Variants in DYM observed in about 807,000 individuals in gnomAD.
DYM encodes dymeclin.
DYM carries 78 observed loss-of-function variants against 93.1 expected under a neutral mutation model. That is an observed-to-expected ratio of 0.84 (90% CI 0.70 to 1.01). DYM has a LOEUF of 1.01. DYM is among the 50% of genes least tolerant of loss of function. DYM has a pLI of 0.00. For missense variants in DYM, 789 were observed against 845.0 expected, an observed-to-expected ratio of 0.93 and a Z score of 0.82; for synonymous variants, 321 against 319.7, an observed-to-expected ratio of 1.00 and a Z score of -0.04.
At chr18:49,066,879 T>C (rs1455996057) in intron 17 of DYM, among the ~76,000 whole-genome samples, 1 of 152,194 alleles carries the variant, frequency 6.6e-6, no homozygotes, top group East Asian at 1.9e-4. Flanking sequence ...TGGCCACTCA[T>C]ACCTCTTCAT....
At chr18:49,389,863 T>G (rs577692922) in intron 3 of DYM, among the ~76,000 whole-genome samples, 1 of 152,306 alleles carries the variant, frequency 6.6e-6, no homozygotes, top group Non-Finnish European at 1.5e-5. Context: ...TTTTCTTTGT[T>G]TTCTCATTGC....
rs560168499 is a variant in DYM, at chr18:49,052,844, G to A, written c.2026-8640C>T. ...GAGGAGGTGCCTGGGAAGGATCGGG[G>A]GCTTGGATCTCATAGTCATGGCAGG... On this transcript the variant is annotated intron_variant, in intron 17 of 17. Transcript: ENST00000675505. 9.8e-5 allele frequency among the ~76,000 whole-genome samples: 15 copies of A among 152,322 alleles called. No homozygotes were observed. The South Asian group carries it at 3.1e-3, about 32-fold the overall frequency.
At chr18:49,388,629 G>A (rs1021774447) in intron 3 of DYM, among the ~76,000 whole-genome samples, 3 of 151,452 alleles carry the variant, frequency 2.0e-5, no homozygotes, top group East Asian at 1.9e-4. Flanking sequence ...AACCTCAGGC[G>A]ACAAAAAAAC....
intron 10 of DYM, among the ~76,000 whole-genome samples, chr18:49,276,324 A>C (rs1363528756): frequency 1.3e-5 from 2 of 151,982 alleles, no homozygotes; most frequent in Non-Finnish European, 2.9e-5. Context: ...ATCTATTTAA[A>C]TAATCATATG....
intron 16 of DYM, among the ~76,000 whole-genome samples, chr18:49,102,207 A>G (rs2080234096): frequency 6.6e-6 from 1 of 152,218 alleles, no homozygotes; most frequent in African/African-American, 2.4e-5. Flanking sequence ...GTGAGCACTT[A>G]CCATGCGCAA....
intron 13 of DYM, among the ~76,000 whole-genome samples, chr18:49,236,613 A>C (rs2093874629): frequency 6.6e-6 from 1 of 152,254 alleles, no homozygotes; most frequent in Non-Finnish European, 1.5e-5. Context: ...TGCTTTATAA[A>C]TGGCAAGATT....
intron 17 of DYM, among the ~76,000 whole-genome samples, chr18:49,085,517 T>C (rs2078432171): frequency 6.6e-6 from 1 of 152,032 alleles, no homozygotes; most frequent in Non-Finnish European, 1.5e-5. Context: ...TAGTCAGAGA[T>C]TAGGAAGTTC....
At chr18:49,392,363 T>G (rs1056824532) in intron 2 of DYM, among the ~76,000 whole-genome samples, 1 of 151,982 alleles carries the variant, frequency 6.6e-6, no homozygotes, top group East Asian at 1.9e-4. Flanking sequence ...TTACCAAAAT[T>G]AAAAACTTCT....
At chr18:49,115,596 A>C (rs1323860711) in intron 16 of DYM, among the ~76,000 whole-genome samples, 1 of 152,226 alleles carries the variant, frequency 6.6e-6, no homozygotes, top group Non-Finnish European at 1.5e-5. Context: ...GGCAGACTGA[A>C]ATGAATGGGA....
intron 14 of DYM, 78 bp downstream of exon 14, chr18:49,209,473 C>T (rs942071295): frequency 2.1e-6 from 2 of 935,356 alleles, no homozygotes. Flanking sequence ...TTAATTGACA[C>T]ATGTCTTATT....
chr18:49,209,562 G>T lies in DYM; in HGVS notation c.1614C>A (p.Ser538=). The change falls in exon 14 of 18, where the codon TCC becomes TCA. Residue 538 remains serine, a synonymous_variant. Coordinates refer to ENST00000675505, the MANE Select transcript of DYM (RefSeq NM_001353214.3). ...CAGAGGTTAATAACCTGGAAGCATA[G>T]GATCTGAGAATGTGAGAGCAAGTTA... ...LSLTCSHILR[S]YASSLFSLLS... 1 of 1,289,564 alleles carries T rather than the reference G, an allele frequency of 7.8e-7. No homozygotes were observed. Among genetic ancestry groups the T allele is most frequent in the Non-Finnish European group, 1.0e-6 (1 of 988,754 alleles). The allele number at this position is 1,289,564 out of a possible 1,614,324, so 79.9% of individuals were successfully genotyped here.
chr18:49,389,141 C>G (rs912637587), intron 3 of DYM, among the ~76,000 whole-genome samples: 1 of 152,136 alleles, frequency 6.6e-6, no homozygotes, highest in South Asian at 2.1e-4. Context: ...AGTGATTACA[C>G]ATGTACTGTT....
intron 13 of DYM, among the ~76,000 whole-genome samples, chr18:49,242,407 G>A (rs12957276): frequency 3.5e-4 from 54 of 152,182 alleles, no homozygotes; most frequent in African/African-American, 1.1e-3. Flanking sequence ...GTAAGACTCC[G>A]TCTCAAAAAA....
intron 16 of DYM, among the ~76,000 whole-genome samples, chr18:49,103,387 CT>C (rs2080403077): frequency 6.6e-6 from 1 of 152,126 alleles, no homozygotes; most frequent in Admixed American, 6.5e-5. Context: ...ATGGTAGTTT[CT>C]TTTGCTGTGC....
chr18:49,121,844 C>CA (rs1027944471), intron 15 of DYM, among the ~76,000 whole-genome samples: 15 of 151,900 alleles, frequency 9.9e-5, no homozygotes, highest in Middle Eastern at 3.4e-3. Context: ...ATATGAAGGT[C>CA]AAAAAAAGAC....
chr18:49,059,704 G>A (rs934088848), intron 17 of DYM, among the ~76,000 whole-genome samples: 21 of 152,008 alleles, frequency 1.4e-4, no homozygotes, highest in African/African-American at 5.1e-4. Flanking sequence ...CAAGCTGAAG[G>A]CTTACTCAGT....
intron 14 of DYM, among the ~76,000 whole-genome samples, chr18:49,194,616 A>G (rs528172108): frequency 1.2e-4 from 19 of 152,252 alleles, no homozygotes; most frequent in African/African-American, 4.6e-4. Context: ...TTTGAATGAT[A>G]CTACAATTTG....
chr18:49,283,816 G>A (rs181091268), intron 9 of DYM, among the ~76,000 whole-genome samples: 1 of 152,258 alleles, frequency 6.6e-6, no homozygotes, highest in East Asian at 1.9e-4. Context: ...TTGCCTCTCA[G>A]ATTCTCCTTC....
intron 15 of DYM, among the ~76,000 whole-genome samples, chr18:49,145,285 C>A (rs1004997182): frequency 1.3e-5 from 2 of 151,368 alleles, no homozygotes; most frequent in African/African-American, 4.8e-5. Context: ...TTAGTAAAAA[C>A]TATTTTTTCA....
Sources: gnomAD v4.1 joint callset for allele counts (sites outside exome capture counted in the v4.1 genomes callset) on GRCh38, gnomAD v4.1.1 for gene constraint, MANE v1.5 for transcripts, NCBI Gene and HGNC (gene_info 2026-07-23, HGNC 2026-07-21) for gene names.